Variants in TENM1 observed in about 807,000 individuals in gnomAD.
TENM1 encodes the protein teneurin transmembrane protein 1.
Under a neutral mutation model 174.8 loss-of-function variants are expected in TENM1, and 35 were observed. The ratio of observed to expected loss-of-function variants is 0.20; its 90% CI spans 0.15 to 0.27. The LOEUF is 0.27. TENM1 is among the 10% of genes least tolerant of loss of function. The pLI is 1.00. For missense variants in TENM1, 1,633 were observed against 2,130.1 expected, an observed-to-expected ratio of 0.77 and a Z score of 4.59; for synonymous variants, 781 against 798.7, an observed-to-expected ratio of 0.98 and a Z score of 0.37.
intron 1 of TENM1, among the ~76,000 whole-genome samples, chrX:124,932,387 A>T (rs1454259064): frequency 3.6e-5 from 4 of 112,330 alleles, no homozygotes; most frequent in Non-Finnish European, 7.5e-5. Flanking sequence ...TATGTTAGGT[A>T]TTGCAAGGAA....
In TENM1 at chrX:124,754,620, C is replaced by T. The variant is rs182644181; in HGVS notation, c.536-17423G>A. On this transcript the variant is annotated intron_variant, in intron 3 of 31. Coordinates refer to ENST00000422452, the Ensembl canonical transcript of TENM1. ...GATCTTTTCTGCTTTCTCTTGTGGG[C>T]ATTTAGTGCTATAAATTTCCGTCTA... 8.2e-5 allele frequency among the ~76,000 whole-genome samples: 9 copies of T among 110,420 alleles called. No homozygotes were observed. The East Asian group carries it at 2.6e-3, about 31-fold the overall frequency.
At chrX:124,898,167 C>T (rs1176015280) in intron 1 of TENM1, among the ~76,000 whole-genome samples, 2 of 111,482 alleles carry the variant, frequency 1.8e-5, no homozygotes, top group Non-Finnish European at 3.8e-5. Context: ...CACCCCACTC[C>T]CATCCGTGCC....
intron 3 of TENM1, among the ~76,000 whole-genome samples, chrX:124,882,052 T>C (rs1385427327): frequency 5.3e-5 from 6 of 112,402 alleles, no homozygotes; most frequent in Non-Finnish European, 9.4e-5. Context: ...TGCTATATTG[T>C]GTTTTAGTTT....
chrX:124,418,239 C>G (rs1373594619), intron 25 of TENM1, among the ~76,000 whole-genome samples: 1 of 112,008 alleles, frequency 8.9e-6, no homozygotes, highest in Admixed American at 9.5e-5. Context: ...ATTAACCTTA[C>G]TCATTCCACT....
At chrX:124,607,744 G>A (rs984077496) in intron 11 of TENM1, among the ~76,000 whole-genome samples, 2 of 110,909 alleles carry the variant, frequency 1.8e-5, no homozygotes, top group Non-Finnish European at 3.8e-5. Context: ...TACTCTTGTT[G>A]TTCTGCTGAG....
intron 3 of TENM1, among the ~76,000 whole-genome samples, chrX:124,875,873 C>CAA (rs60294401): frequency 0.013 from 724 of 56,651 alleles, 17 homozygotes; most frequent in African/African-American, 0.031. Context: ...GAGACTGTCT[C>CAA]AAAAAAAAAA....
intron 3 of TENM1, among the ~76,000 whole-genome samples, chrX:124,740,781 T>C (rs749169318): frequency 2.3e-4 from 26 of 111,349 alleles, no homozygotes; most frequent in Admixed American, 3.8e-4. Flanking sequence ...TGAAATGGGA[T>C]TTCCCAACAT....
intron 15 of TENM1, among the ~76,000 whole-genome samples, chrX:124,539,826 T>A (rs1317945925): frequency 1.8e-5 from 2 of 112,187 alleles, no homozygotes; most frequent in African/African-American, 6.5e-5. Flanking sequence ...TTCTTGCAAG[T>A]CATCAATAGT....
chrX:124,547,911 A>C (rs2048468379), intron 14 of TENM1, among the ~76,000 whole-genome samples: 2 of 112,122 alleles, frequency 1.8e-5, no homozygotes, highest in Admixed American at 9.4e-5. Flanking sequence ...ATCTCGGCTC[A>C]CTGCAAGTTC....
intron 22 of TENM1, among the ~76,000 whole-genome samples, chrX:124,467,082 C>T (rs1272283967): frequency 9.0e-6 from 1 of 111,383 alleles, no homozygotes; most frequent in East Asian, 2.8e-4. Flanking sequence ...GGCACCTACC[C>T]ACCTTCCTTT....
intron 3 of TENM1, among the ~76,000 whole-genome samples, chrX:124,893,079 G>C (rs1157005120): frequency 2.7e-5 from 3 of 112,000 alleles, no homozygotes; most frequent in Non-Finnish European, 5.6e-5. Context: ...ACTCCTCAAG[G>C]ATCTATGGAA....
chrX:124,489,801 C>A (rs1432452349), intron 20 of TENM1, among the ~76,000 whole-genome samples: 1 of 111,509 alleles, frequency 9.0e-6, no homozygotes, highest in African/African-American at 3.3e-5. Context: ...ATGCTGTTCT[C>A]AGCTTCTTTT....
At chrX:124,477,622 C>A (rs2046757769) in intron 22 of TENM1, among the ~76,000 whole-genome samples, 1 of 110,599 alleles carries the variant, frequency 9.0e-6, no homozygotes. Context: ...CGTGGTGGCC[C>A]CTTCCTGTAA....
chrX:124,651,932 C>A, exon 8 of TENM1: 2 of 1,206,400 alleles, frequency 1.7e-6, no homozygotes, highest in Non-Finnish European at 2.2e-6. Flanking sequence ...GTAGTTAACA[C>A]GAATACTTGC....
chrX:124,926,642 A>G (rs2058095603), intron 1 of TENM1, among the ~76,000 whole-genome samples: 1 of 111,811 alleles, frequency 8.9e-6, no homozygotes, highest in African/African-American at 3.3e-5. Context: ...CGTTGGATAG[A>G]TAGATTAATG....
chrX:124,410,179 C>T (rs1337682743), intron 25 of TENM1, among the ~76,000 whole-genome samples: 3 of 111,297 alleles, frequency 2.7e-5, no homozygotes, highest in African/African-American at 9.8e-5. Context: ...GAGATATTGA[C>T]CAATGGAACA....
chrX:124,480,836 T>C (rs201297274), intron 22 of TENM1, among the ~76,000 whole-genome samples: 7 of 110,968 alleles, frequency 6.3e-5, no homozygotes, highest in Non-Finnish European at 1.1e-4. Context: ...CACACACACA[T>C]ACACACACAT....
At chrX:124,561,157 T>C (rs1239233476) in intron 14 of TENM1, among the ~76,000 whole-genome samples, 1 of 112,422 alleles carries the variant, frequency 8.9e-6, no homozygotes, top group African/African-American at 3.2e-5. Context: ...AAAAATATTT[T>C]AGCATGTCTA....
chrX:124,952,386 T>G (rs1412333523), intron 1 of TENM1, among the ~76,000 whole-genome samples: 1 of 109,851 alleles, frequency 9.1e-6, no homozygotes, highest in Non-Finnish European at 1.9e-5. Context: ...ATCTGATTAC[T>G]AAATATATGA....
Sources: gnomAD v4.1 joint callset for allele counts (sites outside exome capture counted in the v4.1 genomes callset) on GRCh38, gnomAD v4.1.1 for gene constraint, MANE v1.5 for transcripts, NCBI Gene and HGNC (gene_info 2026-07-23, HGNC 2026-07-21) for gene names.